The following ALDH2 variants were observed in gnomAD, a reference collection of about 807,000 sequenced individuals.
The protein encoded by ALDH2 is aldehyde dehydrogenase, mitochondrial.
Under a neutral mutation model 59.6 loss-of-function variants are expected in ALDH2, and 44 were observed. The ratio of observed to expected loss-of-function variants is 0.74; its 90% CI spans 0.58 to 0.95. The LOEUF (loss-of-function observed/expected upper bound fraction) is 0.95, where lower values mean the gene tolerates loss of function less well. Ranked by LOEUF, ALDH2 falls within the 40% of genes least tolerant of loss-of-function variation. The pLI is 0.00. For synonymous variants in ALDH2, 291 were observed against 284.0 expected (o/e 1.02, Z -0.25); for missense variants, 570 against 696.3 (o/e 0.82, Z 2.04).
rs536895009 is a variant in ALDH2 at position 111,785,228 on chromosome 12, C to T, written c.361-39C>T. ...GTCAGCCCTTTGTTTTCCTCTCATT[C>T]CTGCACCCATGTCTCTGCTGACCTT... On this transcript the variant is annotated intron_variant, in intron 3 of 12. Coordinates refer to ENST00000261733, the MANE Select transcript of ALDH2 (RefSeq NM_000690.4). 433 of 1,537,156 alleles carry T rather than the reference C, an allele frequency of 2.8e-4. 9 individuals are homozygous for T. The South Asian group carries it at 4.7e-3, about 17-fold the overall frequency.
rs1435687766 is a variant in ALDH2, at chr12:111,767,111, C to A, written c.114+15C>A. ...TCTGCAACCAGGTGAGCCCACCGGC[C>A]GGGCTCGCGCTTTGTTTTCCGGCCC... On this transcript the variant is annotated intron_variant, in intron 1 of 12. Coordinates refer to ENST00000261733, the MANE Select transcript of ALDH2 (RefSeq NM_000690.4). 6.8e-7 allele frequency: 1 copy of A among 1,466,680 alleles called. No individual in the cohort carries two copies. The highest frequency in any genetic ancestry group is 2.8e-5 in the East Asian group (1 of 35,312). The allele number at this position is 1,466,680 out of a possible 1,614,324, so 90.9% of individuals were successfully genotyped here. A position where few individuals can be genotyped will look rare whatever the true frequency, so the allele number is the denominator to read the frequency against.
chr12:111,805,117 TTAAAG>T (rs1267192795), intron 12 of ALDH2, among the ~76,000 whole-genome samples: 1 of 152,194 alleles, frequency 6.6e-6, no homozygotes, highest in Non-Finnish European at 1.5e-5. Context: ...TGCTTAGCCT[TTAAAG>T]TAAAAGCAGT....
rs2068531946 is a variant in ALDH2, at chr12:111,811,071, T to G, written c.*1496T>G. On this transcript the variant is annotated 3_prime_UTR_variant, in exon 13 of 13. Coordinates refer to ENST00000261733, the MANE Select transcript of ALDH2 (RefSeq NM_000690.4). ...CCTGGCAAAGGCCGGGCACAGTGGC[T>G]CACGCCTATAATTCCAGCACTTTGG... The G allele has an allele frequency of 6.6e-6, 1 of 151,674 alleles. No homozygotes were observed. The allele number at this position is 151,674 out of a possible 1,614,324, so 9.4% of individuals were successfully genotyped here. A position where few individuals can be genotyped will look rare whatever the true frequency, so the allele number is the denominator to read the frequency against.
chr12:111,766,957 C>A lies in ALDH2; in HGVS notation c.-26C>A, dbSNP rs762299805. 6.6e-6 allele frequency: 10 copies of A among 1,513,194 alleles called. No homozygotes were observed. In the South Asian group the frequency reaches 7.3e-5, roughly 11 times the overall value. 93.7% of individuals were successfully genotyped at this position (1,513,194 alleles called of 1,614,324 possible). On this transcript the variant is annotated 5_prime_UTR_variant, in exon 1 of 13. Coordinates refer to ENST00000261733, the MANE Select transcript of ALDH2 (RefSeq NM_000690.4). ...TGAGACCCTAGCTCTGCTCTCGGTCCGCTCGCTGTCCGCTAGCCCGCTGCG... is the reference window on the plus strand; with the variant it reads ...TGAGACCCTAGCTCTGCTCTCGGTCAGCTCGCTGTCCGCTAGCCCGCTGCG...
chr12:111,777,325 G>C (rs1052025420), intron 1 of ALDH2, among the ~76,000 whole-genome samples: 1 of 152,188 alleles, frequency 6.6e-6, no homozygotes, highest in African/African-American at 2.4e-5. Flanking sequence ...TGGTTCTTGA[G>C]GGGTAGCTAG....
At position 111,792,092 on chromosome 12, in the gene ALDH2, G is replaced by A. The variant is rs1157814805; in HGVS notation, c.827G>A (p.Ser276Asn). Reference sequence around the variant, plus strand: ...CGCGTAATCCAGGTTGCTGCTGGGAGCAGCAACCTCAAGAGAGTGACCTTG... The same window carrying A: ...CGCGTAATCCAGGTTGCTGCTGGGAACAGCAACCTCAAGAGAGTGACCTTG... Reference protein sequence around the residue: ...IGRVIQVAAGSSNLKRVTLEL... With the variant: ...IGRVIQVAAGNSNLKRVTLEL... The change falls in exon 8 of 13, where the codon AGC becomes AAC. Residue 276 changes from serine (S) to asparagine (N), a missense_variant. Transcript: ENST00000261733. 6.2e-7 allele frequency: 1 copy of A among 1,611,052 alleles called. No homozygotes were observed. Among genetic ancestry groups the A allele is most frequent in the Admixed American group, 1.7e-5 (1 of 58,730 alleles).
rs2136017639 is a variant in ALDH2 at position 111,789,865 on chromosome 12, C to T, written c.483C>T (p.Ile161=). ...CTGATAAGTACCACGGGAAAACCAT[C>T]CCCATTGACGGAGACTTCTTCAGCT... The part of the protein sequence containing the change: ...GWADKYHGKT[I]PIDGDFFSYT... The change falls in exon 5 of 13, where the codon ATC becomes ATT. Residue 161 remains isoleucine (I), a synonymous_variant. Transcript: ENST00000261733. 6.2e-7 allele frequency: 1 copy of T among 1,614,186 alleles called. No individual in the cohort carries two copies. Among genetic ancestry groups the T allele is most frequent in the Non-Finnish European group, 8.5e-7 (1 of 1,180,036 alleles).
chr12:111,792,113 C>A lies in ALDH2; in HGVS notation c.848C>A (p.Thr283Asn). Residue 283 changes from threonine to asparagine, a missense_variant, in exon 8 of 13, where the codon ACC (threonine) becomes AAC (asparagine). Physicochemically the swap from Thr to Asn is moderately conservative, Grantham distance 65 (BLOSUM62 0). Transcript: ENST00000261733. ...AAGSSNLKRV[T>N]LELGGKSPNI... ...GGGAGCAGCAACCTCAAGAGAGTGACCTTGGAGCTGGGGGGGAAGAGCCCC... is the reference window on the plus strand; with the variant it reads ...GGGAGCAGCAACCTCAAGAGAGTGAACTTGGAGCTGGGGGGGAAGAGCCCC... The A allele has an allele frequency of 6.2e-7, 1 of 1,608,136 alleles. No homozygotes were observed. Among genetic ancestry groups the A allele is most frequent in the Non-Finnish European group, 8.5e-7 (1 of 1,178,636 alleles).
At chr12:111,780,136 G>A (rs139111005) in intron 1 of ALDH2, among the ~76,000 whole-genome samples, 157 of 152,148 alleles carry the variant, frequency 1.0e-3, no homozygotes, top group African/African-American at 3.5e-3. Flanking sequence ...AAGGTGATCC[G>A]CCCACCCCAG....
chr12:111,792,494 C>T, intron 8 of ALDH2, 104 bp from the exon 9 acceptor site: 1 of 1,331,242 alleles, frequency 7.5e-7, no homozygotes, highest in Non-Finnish European at 1.0e-6. Flanking sequence ...CAGCAGGCAT[C>T]AACCCTTACA....
chr12:111,809,748 C>A lies in ALDH2; in HGVS notation c.*173C>A. On this transcript the variant is annotated 3_prime_UTR_variant, in exon 13 of 13. Coordinates refer to ENST00000261733, the MANE Select transcript of ALDH2 (RefSeq NM_000690.4). ...TGAATTGATAAACATGGTGGGTTGG[C>A]TGAGGGTAAGAGTATATGAGGAACC... 1.4e-6 allele frequency: 1 copy of A among 709,420 alleles called. No homozygotes were observed. The highest frequency in any genetic ancestry group is 2.4e-6 in the Non-Finnish European group (1 of 421,262). The allele number at this position is 709,420 out of a possible 1,614,324, so 43.9% of individuals were successfully genotyped here.
In ALDH2 at chr12:111,800,031, C is replaced by T. The variant is rs371851241; in HGVS notation, c.1374C>T (p.Tyr458=). 1.9e-6 allele frequency: 3 copies of T among 1,613,374 alleles called. No individual in the cohort carries two copies. Among genetic ancestry groups the T allele is most frequent in the African/African-American group, 2.7e-5 (2 of 74,942 alleles). Reference sequence around the variant, plus strand: ...CAAAGGATTTGGACAAGGCCAATTACCTGTCCCAGGCCCTCCAGGCGGGCA... The same window carrying T: ...CAAAGGATTTGGACAAGGCCAATTATCTGTCCCAGGCCCTCCAGGCGGGCA... ...VFTKDLDKAN[Y]LSQALQAGTV... Residue 458 remains tyrosine (Y), a synonymous_variant, in exon 11 of 13, where the codon TAC becomes TAT. Transcript: ENST00000261733.
chr12:111,771,662 A>T (rs1434359116), intron 1 of ALDH2, among the ~76,000 whole-genome samples: 1 of 152,252 alleles, frequency 6.6e-6, no homozygotes, highest in African/African-American at 2.4e-5. Context: ...TTGTATGTAG[A>T]TAGACAGATC....
At chr12:111,768,878 G>C (rs1014462196) in intron 1 of ALDH2, among the ~76,000 whole-genome samples, 3 of 152,236 alleles carry the variant, frequency 2.0e-5, no homozygotes, top group Non-Finnish European at 2.9e-5. Flanking sequence ...CAGCTATATG[G>C]GAGGCCGAGG....
Position 111,816,805 on chromosome 12 carries a change from T to C in ALDH2, c.*7230T>C, listed in dbSNP as rs1366534709. 4.6e-5 allele frequency: 7 copies of C among 152,230 alleles called. No homozygotes were observed. Among genetic ancestry groups the C allele is most frequent in the African/African-American group, 7.2e-5 (3 of 41,470 alleles). The allele number at this position is 152,230 out of a possible 1,614,324, so 9.4% of individuals were successfully genotyped here. A position where few individuals can be genotyped will look rare whatever the true frequency, so the allele number is the denominator to read the frequency against. On this transcript the variant is annotated 3_prime_UTR_variant, in exon 13 of 13. Coordinates refer to ENST00000261733, the MANE Select transcript of ALDH2 (RefSeq NM_000690.4). Reference sequence around the variant, plus strand: ...AGGCTCTCCAGGCCTTGCTGGAATTTGGTCTAGTCTTCTAAAGAAGGCTGA... The same window carrying C: ...AGGCTCTCCAGGCCTTGCTGGAATTCGGTCTAGTCTTCTAAAGAAGGCTGA...
chr12:111,782,048 G>A, intron 2 of ALDH2, 26 bp downstream of exon 2: 3 of 1,546,500 alleles, frequency 1.9e-6, no homozygotes, highest in South Asian at 1.1e-5. Context: ...TTACCTTGGG[G>A]GAGGGATGGA....
At chr12:111,769,829 A>G (rs1368806526) in intron 1 of ALDH2, among the ~76,000 whole-genome samples, 1 of 151,962 alleles carries the variant, frequency 6.6e-6, no homozygotes, top group African/African-American at 2.4e-5. Flanking sequence ...TGGACTCTGC[A>G]CCTCAGCTGC....
intron 2 of ALDH2, 23 bp downstream of exon 2, chr12:111,782,045 G>C (rs1053237775): frequency 1.9e-6 from 3 of 1,568,224 alleles, no homozygotes; most frequent in African/African-American, 2.7e-5. Context: ...GACTTACCTT[G>C]GGGGAGGGAT....
intron 7 of ALDH2, 78 bp downstream of exon 7, chr12:111,791,497 GTGAGC>G: frequency 8.9e-7 from 1 of 1,121,102 alleles, no homozygotes; most frequent in Admixed American, 2.0e-5. Context: ...CATGCTCAAG[GTGAGC>G]TCCCGGGTGT....
Sources: allele counts gnomAD v4.1 joint callset (sites outside exome capture counted in the v4.1 genomes callset), GRCh38; gene constraint gnomAD v4.1.1; transcripts MANE v1.5; gene names NCBI Gene and HGNC (gene_info 2026-07-23, HGNC 2026-07-21).